Variants in SYN2 observed in about 807,000 individuals in gnomAD.
The protein encoded by SYN2 is synapsin II, also known as synapsin-2.
Under a neutral mutation model 50.9 loss-of-function variants are expected in SYN2, and 19 were observed. The observed-to-expected ratio is 0.37, with a 90% CI of 0.26 to 0.55. The LOEUF (loss-of-function observed/expected upper bound fraction) is 0.55, where lower values mean the gene tolerates loss of function less well. Ranked by LOEUF, SYN2 falls within the 20% of genes least tolerant of loss-of-function variation. SYN2 has a pLI of 0.81. For synonymous variants in SYN2, 255 were observed against 224.9 expected (o/e 1.13, Z -1.20); for missense variants, 587 against 576.4 (o/e 1.02, Z -0.19).
In SYN2 at chr3:12,167,289, C is replaced by T. The variant is rs1223890233; in HGVS notation, c.1036C>T (p.Gln346Ter). The change falls in exon 8 of 13, where the codon CAG becomes TAG. Residue 346 changes from glutamine (Q) to a stop codon, truncating the protein, a stop_gained. Coordinates refer to ENST00000621198, the MANE Select transcript of SYN2 (RefSeq NM_133625.6). LOFTEE classifies it high-confidence loss of function. ...GAACACTGGCTCTGCGATGCTGGAG[C>T]AGATTGCCATGTCAGACAGGTGAGT... ...KTNTGSAMLEQIAMSDRYKLW... is the reference protein window; with the variant it reads ...KTNTGSAMLE The T allele has an allele frequency of 1.2e-6, 2 of 1,612,670 alleles. No individual in the cohort carries two copies. Among genetic ancestry groups the T allele is most frequent in the Non-Finnish European group, 1.7e-6 (2 of 1,179,522 alleles).
chr3:12,117,342 T>A (rs1696457118), intron 1 of SYN2, among the ~76,000 whole-genome samples: 1 of 152,184 alleles, frequency 6.6e-6, no homozygotes, highest in South Asian at 2.1e-4. Flanking sequence ...CATTCAGCAT[T>A]TACGTTTTGA....
chr3:12,184,286 G>C, intron 11 of SYN2: 1 of 985,872 alleles, frequency 1.0e-6, no homozygotes, highest in Non-Finnish European at 1.2e-6. Flanking sequence ...GTTGATCTCA[G>C]TTGTTTCTTC....
intron 10 of SYN2, among the ~76,000 whole-genome samples, chr3:12,173,284 T>C (rs1022164021): frequency 6.6e-6 from 1 of 152,112 alleles, no homozygotes; most frequent in African/African-American, 2.4e-5. Context: ...CACATTTTCT[T>C]TGGTTAAATT....
chr3:12,007,624 A>T (rs1426681205), intron 1 of SYN2, among the ~76,000 whole-genome samples: 1 of 152,240 alleles, frequency 6.6e-6, no homozygotes, highest in Non-Finnish European at 1.5e-5. Flanking sequence ...TGGAATAGGA[A>T]GTCAGAGTGT....
chr3:12,124,301 A>G (rs375250172), intron 1 of SYN2, among the ~76,000 whole-genome samples: 113 of 152,268 alleles, frequency 7.4e-4, no homozygotes, highest in Non-Finnish European at 1.2e-3. Flanking sequence ...ATAGGAGGAG[A>G]GTAAAGAGAG....
At chr3:12,100,552 C>G (rs1696050221) in intron 1 of SYN2, among the ~76,000 whole-genome samples, 1 of 151,958 alleles carries the variant, frequency 6.6e-6, no homozygotes, top group African/African-American at 2.4e-5. Context: ...TCTTAGTGAC[C>G]TTGGATTAGA....
chr3:12,187,097 G>T lies in SYN2; in HGVS notation c.1370-272G>T, dbSNP rs181650408. Among the ~76,000 whole-genome samples, 6 of 152,254 alleles carry T rather than the reference G, an allele frequency of 3.9e-5. No homozygotes were observed. The East Asian group carries it at 1.2e-3, about 30-fold the overall frequency. On this transcript the variant is annotated intron_variant, in intron 11 of 12. Coordinates refer to ENST00000621198, the MANE Select transcript of SYN2 (RefSeq NM_133625.6). Reference sequence around the variant, plus strand: ...TCTAGGGCCCTCTGTGAGAGAGTGCGCCTCTGACGGGGCCGCTCGTCCCTG... The same window carrying T: ...TCTAGGGCCCTCTGTGAGAGAGTGCTCCTCTGACGGGGCCGCTCGTCCCTG...
chr3:12,186,087 G>T (rs531958974), intron 11 of SYN2, among the ~76,000 whole-genome samples: 1 of 152,270 alleles, frequency 6.6e-6, no homozygotes, highest in African/African-American at 2.4e-5. Flanking sequence ...GGTGCACAGT[G>T]GCATAGACAT....
intron 1 of SYN2, among the ~76,000 whole-genome samples, chr3:12,028,478 T>C (rs1694314470): frequency 6.7e-6 from 1 of 149,322 alleles, no homozygotes; most frequent in African/African-American, 2.5e-5. Context: ...TTGAACTAGT[T>C]TACAGTCCCA....
intron 10 of SYN2, among the ~76,000 whole-genome samples, chr3:12,179,402 A>G (rs1430069307): frequency 6.6e-6 from 1 of 150,544 alleles, no homozygotes; most frequent in Non-Finnish European, 1.5e-5. Flanking sequence ...AAAAAAGCAT[A>G]AACGAATTCA....
At chr3:12,146,519 A>AC (rs1697153187) in intron 4 of SYN2, among the ~76,000 whole-genome samples, 1 of 152,170 alleles carries the variant, frequency 6.6e-6, no homozygotes, top group African/African-American at 2.4e-5. Context: ...TTTAATCCTC[A>AC]CCTTACAAGG....
At chr3:12,109,851 A>G (rs993460334) in intron 1 of SYN2, among the ~76,000 whole-genome samples, 2 of 152,204 alleles carry the variant, frequency 1.3e-5, no homozygotes, top group African/African-American at 2.4e-5. Flanking sequence ...AAAGCTAAGT[A>G]ACCTAAGACA....
At chr3:12,034,620 A>G (rs1222495501) in intron 1 of SYN2, among the ~76,000 whole-genome samples, 1 of 152,170 alleles carries the variant, frequency 6.6e-6, no homozygotes, top group Non-Finnish European at 1.5e-5. Context: ...ATGACATGGC[A>G]TTACATTGCA....
chr3:12,134,894 T>C (rs6802997), intron 1 of SYN2, among the ~76,000 whole-genome samples: 3,801 of 152,300 alleles, frequency 0.025, 171 homozygotes, highest in African/African-American at 0.087. Context: ...TTGTAGACTC[T>C]GCTTTCTGTA....
intron 10 of SYN2, among the ~76,000 whole-genome samples, chr3:12,181,696 C>T (rs1698224659): frequency 6.6e-6 from 1 of 152,052 alleles, no homozygotes; most frequent in Non-Finnish European, 1.5e-5. Context: ...TAATAGGTAG[C>T]CCCAGAGAAG....
chr3:12,008,120 T>C (rs1012777637), intron 1 of SYN2, among the ~76,000 whole-genome samples: 15 of 152,212 alleles, frequency 9.9e-5, no homozygotes, highest in South Asian at 4.1e-4. Context: ...GTTTATGTTG[T>C]TTCTTCTGTG....
At chr3:12,034,472 T>C (rs1163425102) in intron 1 of SYN2, among the ~76,000 whole-genome samples, 1 of 152,204 alleles carries the variant, frequency 6.6e-6, no homozygotes, top group African/African-American at 2.4e-5. Flanking sequence ...TTTGTGTTGC[T>C]ATAACAGAAT....
rs191537003 is a variant in SYN2 at position 12,145,729 on chromosome 3, C to T, written c.578C>T (p.Ala193Val). ...ATCCGGCAGCATGCATTTGGCATGG[C>T]GGAGAATGAGGACTTCCGCCACCTG... ...VLIRQHAFGMAENEDFRHLII... is the reference protein window; with the variant it reads ...VLIRQHAFGMVENEDFRHLII... The change falls in exon 4 of 13, where the codon GCG becomes GTG. Residue 193 changes from alanine to valine, a missense_variant. Coordinates refer to ENST00000621198, the MANE Select transcript of SYN2 (RefSeq NM_133625.6). 168 of 1,613,960 alleles carry T rather than the reference C, an allele frequency of 1.0e-4. No homozygotes were observed. In the East Asian group the frequency reaches 2.6e-3, roughly 25 times the overall value.
chr3:12,172,554 G>A (rs2125245869), intron 10 of SYN2, among the ~76,000 whole-genome samples: 1 of 152,340 alleles, frequency 6.6e-6, no homozygotes, highest in East Asian at 1.9e-4. Flanking sequence ...TAGGACTCAT[G>A]ACTCATTCCC....
Sources: allele counts gnomAD v4.1 joint callset (sites outside exome capture counted in the v4.1 genomes callset), GRCh38; gene constraint gnomAD v4.1.1; transcripts MANE v1.5; gene names NCBI Gene and HGNC (gene_info 2026-07-23, HGNC 2026-07-21).